MAML3: variants seen among roughly 807,000 people sequenced by gnomAD.
The protein encoded by MAML3 is mastermind-like protein 3.
MAML3 carries 27 observed loss-of-function variants against 101.9 expected under a neutral mutation model. That is an observed-to-expected ratio of 0.27 (90% CI 0.20 to 0.37). The LOEUF (loss-of-function observed/expected upper bound fraction) is 0.37, where lower values mean the gene tolerates loss of function less well. Ranked by LOEUF, MAML3 falls within the 10% of genes least tolerant of loss-of-function variation. The probability of loss-of-function intolerance (pLI) is 1.00; values close to 1 mark genes in which losing one functional copy is unlikely to be tolerated. For missense variants in MAML3, 1,316 were observed against 1,444.9 expected (o/e 0.91, Z 1.45); for synonymous variants, 501 against 555.9 (o/e 0.90, Z 1.39).
At chr4:139,960,276 T>C (rs1560849609) in intron 1 of MAML3, among the ~76,000 whole-genome samples, 1 of 152,236 alleles carries the variant, frequency 6.6e-6, no homozygotes, top group Non-Finnish European at 1.5e-5. Context: ...AGAAGGAATA[T>C]GAACATTCTG....
chr4:139,866,733 C>T (rs561611032), intron 2 of MAML3, among the ~76,000 whole-genome samples: 10 of 152,106 alleles, frequency 6.6e-5, no homozygotes, highest in Non-Finnish European at 1.5e-4. Context: ...CAAGCGAAGA[C>T]GAAGGGTGGG....
At chr4:139,870,755 C>A (rs959348154) in intron 2 of MAML3, among the ~76,000 whole-genome samples, 2 of 152,188 alleles carry the variant, frequency 1.3e-5, no homozygotes, top group Non-Finnish European at 2.9e-5. Context: ...GATCCTTCCA[C>A]CTCAGCCTCC....
chr4:140,060,382 A>AAAAAAAAAAAAAAAAAAAAAAC, intron 1 of MAML3, among the ~76,000 whole-genome samples: 1 of 148,550 alleles, frequency 6.7e-6, no homozygotes, highest in Non-Finnish European at 1.5e-5. Flanking sequence ...AAAAAAAAAA[A>AAAAAAAAAAAAAAAAAAAAAAC]AAAGTCACAA....
intron 1 of MAML3, among the ~76,000 whole-genome samples, chr4:139,913,734 G>T (rs186736107): frequency 6.6e-6 from 1 of 152,328 alleles, no homozygotes; most frequent in Non-Finnish European, 1.5e-5. Context: ...GAAGACTACG[G>T]CGGGCGCCCC....
intron 1 of MAML3, among the ~76,000 whole-genome samples, chr4:139,905,018 G>A (rs1732794937): frequency 6.6e-6 from 1 of 152,234 alleles, no homozygotes; most frequent in Non-Finnish European, 1.5e-5. Flanking sequence ...CCTGACTGTG[G>A]TTGTATCTGG....
Position 139,725,849 on chromosome 4 carries a change from A to C in MAML3, c.2332-14T>G, listed in dbSNP as rs764848956. On this transcript the variant is annotated splice_polypyrimidine_tract_variant and intron_variant, in intron 3 of 4. Transcript: ENST00000509479. Reference sequence around the variant, plus strand: ...TTGCTGCAACTGCTAGAACAACAGAACACAAGAGGGGTGGAGAGGTGAGAT... The same window carrying C: ...TTGCTGCAACTGCTAGAACAACAGACCACAAGAGGGGTGGAGAGGTGAGAT... The C allele has an allele frequency of 4.3e-6, 7 of 1,611,358 alleles. No homozygotes were observed. In the African/African-American group the frequency reaches 6.7e-5, roughly 15 times the overall value.
At chr4:139,952,967 GA>G (rs1301385209) in intron 1 of MAML3, among the ~76,000 whole-genome samples, 1 of 152,156 alleles carries the variant, frequency 6.6e-6, no homozygotes, top group African/African-American at 2.4e-5. Context: ...GGATGACAGA[GA>G]AAAAAACTCA....
At chr4:139,895,013 C>A (rs940602252) in intron 1 of MAML3, among the ~76,000 whole-genome samples, 1 of 152,186 alleles carries the variant, frequency 6.6e-6, no homozygotes, top group Non-Finnish European at 1.5e-5. Flanking sequence ...TGACTCTGTT[C>A]CAGGTCATGC....
intron 2 of MAML3, among the ~76,000 whole-genome samples, chr4:139,732,901 T>C (rs1728781566): frequency 6.6e-6 from 1 of 152,218 alleles, no homozygotes; most frequent in Non-Finnish European, 1.5e-5. Flanking sequence ...GTATTTTCTC[T>C]ATAAATACAC....
rs541058954 is a variant in MAML3 at position 139,789,818 on chromosome 4, G to T, written c.2080-59151C>A. On this transcript the variant is annotated intron_variant, in intron 2 of 4. Transcript: ENST00000509479. ...TCCAACCTCAACTATGGCAATGTTG[G>T]TGAATTCAGAAAGGAGAAGGGTGAT... Among the ~76,000 whole-genome samples the T allele has an allele frequency of 2.0e-5, 3 of 152,148 alleles. No homozygotes were observed. In the South Asian group the frequency reaches 6.2e-4, roughly 32 times the overall value.
At chr4:139,980,638 G>A (rs921384125) in intron 1 of MAML3, among the ~76,000 whole-genome samples, 23 of 152,130 alleles carry the variant, frequency 1.5e-4, no homozygotes, top group East Asian at 3.8e-4. Context: ...CCAGACTCCC[G>A]GGGTATTCAT....
intron 1 of MAML3, among the ~76,000 whole-genome samples, chr4:139,910,597 G>A (rs1306702460): frequency 2.0e-5 from 3 of 152,172 alleles, no homozygotes; most frequent in African/African-American, 7.2e-5. Flanking sequence ...TTTTTGGTCA[G>A]GGAACTGAGG....
At chr4:140,074,215 A>AAGAGAGAGAGAGAGAGAAAGAAAG (rs1284116922) in intron 1 of MAML3, among the ~76,000 whole-genome samples, 153 of 107,322 alleles carry the variant, frequency 1.4e-3, no homozygotes, top group Middle Eastern at 4.5e-3. Context: ...GAAAGAAAGA[A>AAGAGAGAGAGAGAGAGAAAGAAAG]AGAAAGAAAG....
rs576138755 is a variant in MAML3 at position 139,855,311 on chromosome 4, A to G, written c.2079+34046T>C. 6.6e-5 allele frequency among the ~76,000 whole-genome samples: 10 copies of G among 152,372 alleles called. No individual in the cohort carries two copies. In the South Asian group the frequency reaches 2.1e-3, roughly 32 times the overall value. On this transcript the variant is annotated intron_variant, in intron 2 of 4. Coordinates refer to ENST00000509479, the MANE Select transcript of MAML3 (RefSeq NM_018717.5). Reference sequence around the variant, plus strand: ...AGGGAATGAAGCTGCAGTAAGATGAAAAGCATTTCATGCAAAGAGATGAAA... The same window carrying G: ...AGGGAATGAAGCTGCAGTAAGATGAGAAGCATTTCATGCAAAGAGATGAAA...
chr4:139,863,081 C>T (rs10009067), intron 2 of MAML3, among the ~76,000 whole-genome samples: 81,994 of 146,824 alleles, frequency 0.56, 25,265 homozygotes, highest in African/African-American at 0.84. Flanking sequence ...ACCCAGGAGG[C>T]GGAGGATGCA....
At chr4:139,850,943 T>G (rs944486743) in intron 2 of MAML3, among the ~76,000 whole-genome samples, 2 of 151,958 alleles carry the variant, frequency 1.3e-5, no homozygotes, top group Admixed American at 1.3e-4. Context: ...TACCAAAATG[T>G]AAGATATGGT....
intron 2 of MAML3, among the ~76,000 whole-genome samples, chr4:139,791,631 G>A (rs1254716659): frequency 6.6e-6 from 1 of 151,916 alleles, no homozygotes; most frequent in Non-Finnish European, 1.5e-5. Flanking sequence ...TCCCTTCAGT[G>A]CATTTATTTA....
At chr4:139,925,563 CA>C (rs1033059507) in intron 1 of MAML3, among the ~76,000 whole-genome samples, 1 of 150,988 alleles carries the variant, frequency 6.6e-6, no homozygotes, top group African/African-American at 2.4e-5. Context: ...ATAAAGTGGC[CA>C]AAAAAAACAA....
At chr4:139,885,932 C>CAAAAAAAAAAAAAAAAAAAAA (rs1182443191) in intron 2 of MAML3, among the ~76,000 whole-genome samples, 4 of 20,300 alleles carry the variant, frequency 2.0e-4, no homozygotes, top group Admixed American at 1.1e-3. Context: ...GACTCCGTCT[C>CAAAAAAAAAAAAAAAAAAAAA]AAAAAAAAAA....
Sources: allele counts gnomAD v4.1 joint callset (sites outside exome capture counted in the v4.1 genomes callset), GRCh38; gene constraint gnomAD v4.1.1; transcripts MANE v1.5; gene names NCBI Gene and HGNC (gene_info 2026-07-23, HGNC 2026-07-21).